PIK3CG: variants seen among roughly 807,000 people sequenced by gnomAD.
PIK3CG encodes phosphatidylinositol 4,5-bisphosphate 3-kinase catalytic subunit gamma isoform.
In PIK3CG, 55 loss-of-function variants were observed where a neutral mutation model predicts 102.3. That is an observed-to-expected ratio of 0.54 (90% CI 0.43 to 0.67). PIK3CG has a LOEUF of 0.67. PIK3CG is among the 30% of genes least tolerant of loss of function. PIK3CG has a pLI of 0.00. For synonymous variants in PIK3CG, 552 were observed against 540.0 expected, an observed-to-expected ratio of 1.02 and a Z score of -0.31; for missense variants, 1,258 against 1,391.8, an observed-to-expected ratio of 0.90 and a Z score of 1.53.
At position 106,891,534 on chromosome 7, in the gene PIK3CG, T is replaced by G. The variant is rs1028340630; in HGVS notation, c.3030+5242T>G. 2.6e-5 allele frequency among the ~76,000 whole-genome samples: 4 copies of G among 152,158 alleles called. No homozygotes were observed. The highest frequency in any genetic ancestry group is 7.2e-5 in the African/African-American group (3 of 41,426). Reference sequence around the variant, plus strand: ...GGGCATGGAGTATATACACATAGTGTACATTCAATACAGGACAGTGGATAA... The same window carrying G: ...GGGCATGGAGTATATACACATAGTGGACATTCAATACAGGACAGTGGATAA... On this transcript the variant is annotated intron_variant, in intron 10 of 10. Transcript: ENST00000496166. The surrounding 1 kb of genome is among the most constrained non-coding windows in gnomAD (Gnocchi z 4.4).
rs756339122 is a variant in PIK3CG, at chr7:106,867,825, C to A, written c.264C>A (p.Tyr88Ter). 1 of 1,612,572 alleles carries A rather than the reference C, an allele frequency of 6.2e-7. No homozygotes were observed. The highest frequency in any genetic ancestry group is 1.1e-5 in the South Asian group (1 of 91,090). The change falls in exon 2 of 11, where the codon TAC (tyrosine) becomes TAA (stop). Residue 88 changes from tyrosine (Y) to a stop codon, truncating the protein, a stop_gained. Coordinates refer to ENST00000496166, the MANE Select transcript of PIK3CG (RefSeq NM_001282426.2). LOFTEE classifies it high-confidence loss of function. This position sits in a 1 kb window ranked among gnomAD's most constrained non-coding sequence, Gnocchi z 5.1. ...ALETSVAADF[Y>*]HRLGPHHFLL... ...AGACCAGCGTGGCGGCGGACTTCTA[C>A]CACCGGCTGGGACCGCATCACTTCC...
rs1199243117 is a variant in PIK3CG at position 106,867,587 on chromosome 7, C to T, written c.26C>T (p.Pro9Leu). Reference sequence around the variant, plus strand: ...ATGGAGCTGGAGAACTATAAACAGCCCGTGGTGCTGAGAGAGGACAACTGC... The same window carrying T: ...ATGGAGCTGGAGAACTATAAACAGCTCGTGGTGCTGAGAGAGGACAACTGC... MELENYKQ[P>L]VVLREDNCRR... Residue 9 changes from proline to leucine, a missense_variant, in exon 2 of 11, where the codon CCC becomes CTC. By Grantham distance (98) the Pro-to-Leu change is moderately conservative. Around this residue, in one of 2 missense-constraint regions of PIK3CG, gnomAD observed 832 missense variants for 787.5 expected, o/e 1.06. Transcript: ENST00000496166. This position sits in a 1 kb window ranked among gnomAD's most constrained non-coding sequence, Gnocchi z 5.1. 2 of 1,595,510 alleles carry T rather than the reference C, an allele frequency of 1.3e-6. No individual in the cohort carries two copies. Among genetic ancestry groups the T allele is most frequent in the Non-Finnish European group, 8.5e-7 (1 of 1,171,440 alleles).
Position 106,867,684 on chromosome 7 carries a change from G to C in PIK3CG, c.123G>C (p.Glu41Asp), listed in dbSNP as rs2116419112. 6.2e-7 allele frequency: 1 copy of C among 1,613,328 alleles called. No homozygotes were observed. Among genetic ancestry groups the C allele is most frequent in the South Asian group, 1.1e-5 (1 of 91,084 alleles). The change falls in exon 2 of 11, where the codon GAG becomes GAC. Residue 41 changes from glutamate (E) to aspartate (D), a missense_variant. Physicochemically the swap from Glu to Asp is conservative, Grantham distance 45. Coordinates refer to ENST00000496166, the MANE Select transcript of PIK3CG (RefSeq NM_001282426.2). This position sits in a 1 kb window ranked among gnomAD's most constrained non-coding sequence, Gnocchi z 5.1. ...SLSSMELIPI[E>D]FVLPTSQRKC... Reference sequence around the variant, plus strand: ...CCTCCATGGAGCTCATCCCCATCGAGTTCGTGCTGCCCACCAGCCAGCGCA... The same window carrying C: ...CCTCCATGGAGCTCATCCCCATCGACTTCGTGCTGCCCACCAGCCAGCGCA...
In PIK3CG at chr7:106,868,779, G is replaced by C. The variant is rs760940227; in HGVS notation, c.1218G>C (p.Glu406Asp). ...GAACCAGCCCCAAACCCTTCACAGAGGAGGTGCTGTGGAATGTGTGGCTTG... is the reference window on the plus strand; with the variant it reads ...GAACCAGCCCCAAACCCTTCACAGACGAGGTGCTGTGGAATGTGTGGCTTG... ...QRRTSPKPFT[E>D]EVLWNVWLEF... is the part of the protein sequence containing the mutation. Residue 406 changes from glutamate (E) to aspartate (D), a missense_variant, in exon 2 of 11, where the codon GAG (glutamate) becomes GAC (aspartate). This residue lies in a region of PIK3CG where 832 missense variants were observed against 787.5 expected (regional missense o/e 1.06). Transcript: ENST00000496166. The surrounding 1 kb of genome is among the most constrained non-coding windows in gnomAD (Gnocchi z 6.2). 1.2e-6 allele frequency: 2 copies of C among 1,614,242 alleles called. No individual in the cohort carries two copies. Among genetic ancestry groups the C allele is most frequent in the Admixed American group, 3.3e-5 (2 of 60,028 alleles).
chr7:106,905,118 G>T lies in PIK3CG; in HGVS notation c.3040G>T (p.Val1014Phe), dbSNP rs201355541. 10 of 1,613,686 alleles carry T rather than the reference G, an allele frequency of 6.2e-6. No homozygotes were observed. The highest frequency in any genetic ancestry group is 8.5e-6 in the Non-Finnish European group (10 of 1,179,808). Residue 1014 changes from valine to phenylalanine, a missense_variant, in exon 11 of 11, where the codon GTT becomes TTT. Around this residue, in one of 2 missense-constraint regions of PIK3CG, gnomAD observed 426 missense variants for 604.2 expected, o/e 0.71. Coordinates refer to ENST00000496166, the MANE Select transcript of PIK3CG (RefSeq NM_001282426.2). This position sits in a 1 kb window ranked among gnomAD's most constrained non-coding sequence, Gnocchi z 5.6. ...CTTCTTCTTTATCCAGGACATCTGT[G>T]TTAAGGCTTATCTAGCCCTTCGTCA... ...PHFQKFQDICVKAYLALRHHT... is the reference protein window; with the variant it reads ...PHFQKFQDICFKAYLALRHHT...
rs192612212 is a variant in PIK3CG at position 106,891,516 on chromosome 7, G to C, written c.3030+5224G>C. Among the ~76,000 whole-genome samples the C allele has an allele frequency of 6.6e-6, 1 of 152,232 alleles. No homozygotes were observed. Among genetic ancestry groups the C allele is most frequent in the East Asian group, 1.9e-4 (1 of 5,174 alleles). On this transcript the variant is annotated intron_variant, in intron 10 of 10. Transcript: ENST00000496166. The surrounding 1 kb of genome is among the most constrained non-coding windows in gnomAD (Gnocchi z 4.4). Reference sequence around the variant, plus strand: ...CCTTTTGCCAAGAGAACAGGGCATGGAGTATATACACATAGTGTACATTCA... The same window carrying C: ...CCTTTTGCCAAGAGAACAGGGCATGCAGTATATACACATAGTGTACATTCA...
chr7:106,884,141 T>A lies in PIK3CG; in HGVS notation c.2761-14T>A, dbSNP rs756019134. ...AGTTAGAAGACAACTAATATTCAAATGCATTTTAATTAGTTTCAGGCAGCA... is the reference window on the plus strand; with the variant it reads ...AGTTAGAAGACAACTAATATTCAAAAGCATTTTAATTAGTTTCAGGCAGCA... On this transcript the variant is annotated splice_polypyrimidine_tract_variant and intron_variant, in intron 8 of 10. Coordinates refer to ENST00000496166, the MANE Select transcript of PIK3CG (RefSeq NM_001282426.2). This position sits in a 1 kb window ranked among gnomAD's most constrained non-coding sequence, Gnocchi z 4.2. The A allele has an allele frequency of 6.5e-7, 1 of 1,548,416 alleles. No homozygotes were observed. The highest frequency in any genetic ancestry group is 8.9e-7 in the Non-Finnish European group (1 of 1,121,558).
intron 10 of PIK3CG, among the ~76,000 whole-genome samples, chr7:106,889,839 C>G (rs1279000897): frequency 6.6e-6 from 1 of 152,138 alleles, no homozygotes; most frequent in Non-Finnish European, 1.5e-5. Flanking sequence ...GGGGAGAGTT[C>G]AGGAACAAGC....
chr7:106,905,388 T>A lies in PIK3CG; in HGVS notation c.*1T>A, dbSNP rs2116620297. On this transcript the variant is annotated 3_prime_UTR_variant, in exon 11 of 11. Coordinates refer to ENST00000496166, the MANE Select transcript of PIK3CG (RefSeq NM_001282426.2). This position sits in a 1 kb window ranked among gnomAD's most constrained non-coding sequence, Gnocchi z 5.6. ...ACAAGGAGAGAAACATTCAGCCTAA[T>A]ACTTTAGGCTAGAATCAAAAACAAG... is the stretch of plus-strand genomic sequence containing the variant. The A allele has an allele frequency of 6.2e-7, 1 of 1,607,586 alleles. No homozygotes were observed. Among genetic ancestry groups the A allele is most frequent in the Non-Finnish European group, 8.5e-7 (1 of 1,175,532 alleles).
At position 106,868,335 on chromosome 7, in the gene PIK3CG, G is replaced by T. The variant is rs1790392407; in HGVS notation, c.774G>T (p.Leu258=). 6.2e-7 allele frequency: 1 copy of T among 1,614,232 alleles called. No homozygotes were observed. The highest frequency in any genetic ancestry group is 8.5e-7 in the Non-Finnish European group (1 of 1,180,044). ...CCAAGATGGCCAAGAAGAAATCTCT[G>T]ATGGATATTCCCGAAAGCCAAAGCG... ...FFTKMAKKKS[L]MDIPESQSEQ... is the part of the protein sequence containing the mutation. Residue 258 remains leucine (L), a synonymous_variant, in exon 2 of 11, where the codon CTG becomes CTT. Transcript: ENST00000496166. This position sits in a 1 kb window ranked among gnomAD's most constrained non-coding sequence, Gnocchi z 6.2.
rs1178844190 is a variant in PIK3CG at position 106,880,818 on chromosome 7, A to G, written c.2538+1153A>G. On this transcript the variant is annotated intron_variant, in intron 6 of 10. Transcript: ENST00000496166. The surrounding 1 kb of genome is among the most constrained non-coding windows in gnomAD (Gnocchi z 4.2). ...CTTAGCCTCTGAAGTAACTAGGACT[A>G]TAGGTGTGCACCACCATACCTGGCA... Among the ~76,000 whole-genome samples the G allele has an allele frequency of 6.6e-6, 1 of 152,102 alleles. No homozygotes were observed. Among genetic ancestry groups the G allele is most frequent in the Admixed American group, 6.6e-5 (1 of 15,264 alleles).
rs1223921683 is a variant in PIK3CG, at chr7:106,895,055, G to A, written c.3030+8763G>A. On this transcript the variant is annotated intron_variant, in intron 10 of 10. Transcript: ENST00000496166. This position sits in a 1 kb window ranked among gnomAD's most constrained non-coding sequence, Gnocchi z 5.4. ...AATTGAGAGCAGATGTACTACGTAG[G>A]CTCAATCTATTTATTAGCTACTAAT... is the stretch of plus-strand genomic sequence containing the variant. Among the ~76,000 whole-genome samples, 2 of 152,112 alleles carry A rather than the reference G, an allele frequency of 1.3e-5. No homozygotes were observed. The highest frequency in any genetic ancestry group is 2.9e-5 in the Non-Finnish European group (2 of 68,024).
chr7:106,882,935 AAAC>A, intron 7 of PIK3CG, 95 bp from the exon 8 acceptor site: 3 of 987,728 alleles, frequency 3.0e-6, no homozygotes, highest in South Asian at 2.0e-5. Context: ...AAAAAAAAAA[AAAC>A]CCTCTGCCCT....
chr7:106,882,721 G>T (rs1260088662), intron 7 of PIK3CG: 1 of 235,872 alleles, frequency 4.2e-6, no homozygotes, highest in Non-Finnish European at 8.1e-6. Flanking sequence ...AAAAGGAAAA[G>T]GCACAGATTG....
rs1255677620 is a variant in PIK3CG at position 106,908,919 on chromosome 7, T to C, written c.*3532T>C. Among the ~76,000 whole-genome samples, 2 of 152,186 alleles carry C rather than the reference T, an allele frequency of 1.3e-5. No homozygotes were observed. Among genetic ancestry groups the C allele is most frequent in the Admixed American group, 1.3e-4 (2 of 15,276 alleles). On this transcript the variant is annotated 3_prime_UTR_variant, in exon 11 of 11. Transcript: ENST00000496166. This position sits in a 1 kb window ranked among gnomAD's most constrained non-coding sequence, Gnocchi z 4.1. ...ATTTTTAAGTGTTCTGTTGGCTTAT[T>C]TTCTGTTTCATCCAACTCAATAATT... is the stretch of plus-strand genomic sequence containing the variant.
Position 106,867,956 on chromosome 7 carries a change from CG to C in PIK3CG, c.398del (p.Gly133AlafsTer25). ...LRYWKATHRS[P>X]GQIHLVQRHP... ...TACTGGAAGGCCACGCACCGGAGCCCGGGCCAGATCCACCTGGTGCAGCGGC... is the reference window on the plus strand; with the variant it reads ...TACTGGAAGGCCACGCACCGGAGCCCGGCCAGATCCACCTGGTGCAGCGGC... On this transcript the variant is annotated frameshift_variant, in exon 2 of 11. Coordinates refer to ENST00000496166, the MANE Select transcript of PIK3CG (RefSeq NM_001282426.2). LOFTEE classifies it high-confidence loss of function. The surrounding 1 kb of genome is among the most constrained non-coding windows in gnomAD (Gnocchi z 5.1). 6.2e-7 allele frequency: 1 copy of C among 1,612,782 alleles called. No individual in the cohort carries two copies. The highest frequency in any genetic ancestry group is 8.5e-7 in the Non-Finnish European group (1 of 1,179,644).
Position 106,868,620 on chromosome 7 carries a change from C to T in PIK3CG, c.1059C>T (p.Ser353=), listed in dbSNP as rs1320221011. 6.2e-7 allele frequency: 1 copy of T among 1,614,180 alleles called. No individual in the cohort carries two copies. The highest frequency in any genetic ancestry group is 1.1e-5 in the South Asian group (1 of 91,084). Residue 353 remains serine, a synonymous_variant, in exon 2 of 11, where the codon TCC becomes TCT. Transcript: ENST00000496166. The surrounding 1 kb of genome is among the most constrained non-coding windows in gnomAD (Gnocchi z 6.2). ...GKDHESVFTV[S]LWDCDRKFRV... is the part of the protein sequence containing the mutation. ...ACCACGAGAGTGTGTTCACCGTGTC[C>T]CTGTGGGACTGCGACCGCAAGTTCA...
In PIK3CG at chr7:106,903,196, A is replaced by G. The variant is rs1791604519; in HGVS notation, c.3031-1913A>G. On this transcript the variant is annotated intron_variant, in intron 10 of 10. Coordinates refer to ENST00000496166, the MANE Select transcript of PIK3CG (RefSeq NM_001282426.2). This position sits in a 1 kb window ranked among gnomAD's most constrained non-coding sequence, Gnocchi z 4.3. Reference sequence around the variant, plus strand: ...TACTTACTGGTTCGCACTGTTTTTAATAATGTAGTTTTATAAAATGGTTTA... The same window carrying G: ...TACTTACTGGTTCGCACTGTTTTTAGTAATGTAGTTTTATAAAATGGTTTA... Among the ~76,000 whole-genome samples, 1 of 152,122 alleles carries G rather than the reference A, an allele frequency of 6.6e-6. No homozygotes were observed. The highest frequency in any genetic ancestry group is 2.4e-5 in the African/African-American group (1 of 41,436).
rs781579211 is a variant in PIK3CG at position 106,867,738 on chromosome 7, G to C, written c.177G>C (p.Leu59=). Residue 59 remains leucine (L), a synonymous_variant, in exon 2 of 11, where the codon CTG becomes CTC. Transcript: ENST00000496166. This position sits in a 1 kb window ranked among gnomAD's most constrained non-coding sequence, Gnocchi z 5.1. ...RKCKSPETAL[L]HVAGHGNVEQ... is the part of the protein sequence containing the mutation. ...GCAAGAGCCCCGAAACGGCGCTGCT[G>C]CACGTGGCCGGCCACGGCAACGTGG... 5.6e-6 allele frequency: 9 copies of C among 1,613,018 alleles called. No homozygotes were observed. Among genetic ancestry groups the C allele is most frequent in the Middle Eastern group, 1.7e-4 (1 of 6,060 alleles).
Sources: gnomAD v4.1 joint callset for allele counts (sites outside exome capture counted in the v4.1 genomes callset) on GRCh38, gnomAD v4.1.1 for gene constraint, gnomAD v4.1.1 regional missense constraint, Gnocchi (gnomAD v3.1) non-coding constraint, MANE v1.5 for transcripts, NCBI Gene and HGNC (gene_info 2026-07-23, HGNC 2026-07-21) for gene names.